Variants in GPR137B observed in about 807,000 individuals in gnomAD.
The protein encoded by GPR137B is integral membrane protein GPR137B.
GPR137B carries 42 observed loss-of-function variants against 42.5 expected under a neutral mutation model. That is an observed-to-expected ratio of 0.99 (90% CI 0.77 to 1.28). The LOEUF (loss-of-function observed/expected upper bound fraction) is 1.28, where lower values mean the gene tolerates loss of function less well. Ranked by LOEUF, GPR137B falls within the 50% of genes most tolerant of loss-of-function variation. The pLI, the probability that GPR137B is intolerant of heterozygous loss-of-function variation, is 0.00. For synonymous variants in GPR137B, 218 were observed against 209.7 expected (o/e 1.04, Z -0.34); for missense variants, 487 against 493.9 (o/e 0.99, Z 0.13).
Position 236,178,434 on chromosome 1 carries a change from C to G in GPR137B, c.485C>G (p.Ser162Cys), listed in dbSNP as rs764184387. 13 of 1,613,592 alleles carry G rather than the reference C, an allele frequency of 8.1e-6. No individual in the cohort carries two copies. Among genetic ancestry groups the G allele is most frequent in the Non-Finnish European group, 1.1e-5 (13 of 1,179,832 alleles). ...LKYRLPLYLA[S>C]LFISLVFLLV... ...TCCAGGTTGCCCCTCTACCTGGCCT[C>G]CCTCTTCATCAGCCTTGTTTTCCTG... Residue 162 changes from serine to cysteine, a missense_variant, in exon 3 of 7, where the codon TCC becomes TGC. Transcript: ENST00000366592.
intron 5 of GPR137B, among the ~76,000 whole-genome samples, chr1:236,187,286 G>T (rs1021976575): frequency 1.3e-5 from 2 of 152,106 alleles, no homozygotes; most frequent in East Asian, 3.9e-4. Flanking sequence ...TAGGTTGCCT[G>T]TTTACTCTGA....
At chr1:236,158,752 G>T (rs1662103964) in intron 1 of GPR137B, among the ~76,000 whole-genome samples, 1 of 152,186 alleles carries the variant, frequency 6.6e-6, no homozygotes, top group African/African-American at 2.4e-5. Context: ...CCCTTTTAAG[G>T]ATAGGGGGAT....
In GPR137B at chr1:236,155,063, G is replaced by A. The variant is rs979381920; in HGVS notation, c.414+12027G>A. Among the ~76,000 whole-genome samples the A allele has an allele frequency of 9.2e-5, 14 of 152,186 alleles. No homozygotes were observed. Among genetic ancestry groups the A allele is most frequent in the Middle Eastern group, 6.4e-3 (2 of 314 alleles). On this transcript the variant is annotated intron_variant, in intron 1 of 6. Coordinates refer to ENST00000366592, the MANE Select transcript of GPR137B (RefSeq NM_003272.4). This position sits in a 1 kb window ranked among gnomAD's most constrained non-coding sequence, Gnocchi z 4.6. ...CCCTTGTCATTCCCAAGGCCAAAGAGAGAGAATCCTGCCAGGGAGGCAGGT... is the reference window on the plus strand; with the variant it reads ...CCCTTGTCATTCCCAAGGCCAAAGAAAGAGAATCCTGCCAGGGAGGCAGGT...
chr1:236,161,090 C>T (rs759625948), intron 1 of GPR137B, among the ~76,000 whole-genome samples: 9 of 152,122 alleles, frequency 5.9e-5, no homozygotes, highest in African/African-American at 1.7e-4. Flanking sequence ...TTCCCCGCCA[C>T]GCCCTCCAGG....
chr1:236,148,008 G>T (rs1467011657), intron 1 of GPR137B, among the ~76,000 whole-genome samples: 2 of 152,208 alleles, frequency 1.3e-5, no homozygotes, highest in African/African-American at 2.4e-5. Flanking sequence ...GTGGCTCCTT[G>T]TGCCAGCTTT....
At chr1:236,143,905 C>CCGTCATCAT (rs1177440210) in intron 1 of GPR137B, among the ~76,000 whole-genome samples, 1 of 152,156 alleles carries the variant, frequency 6.6e-6, no homozygotes, top group Non-Finnish European at 1.5e-5. Flanking sequence ...CGCGGTGCCG[C>CCGTCATCAT]CGTCATCATC....
At chr1:236,179,033 G>A (rs1352911252) in intron 3 of GPR137B, among the ~76,000 whole-genome samples, 8 of 151,714 alleles carry the variant, frequency 5.3e-5, no homozygotes, top group Admixed American at 2.0e-4. Context: ...TCCTGACCTT[G>A]TGATCCACCT....
intron 1 of GPR137B, among the ~76,000 whole-genome samples, chr1:236,160,036 G>T (rs1662143720): frequency 6.6e-6 from 1 of 152,212 alleles, no homozygotes; most frequent in South Asian, 2.1e-4. Context: ...TCTATTCTAG[G>T]TTCTGAGGTT....
Position 236,183,883 on chromosome 1 carries a change from G to A in GPR137B, c.943G>A (p.Val315Ile). 1 of 1,609,838 alleles carries A rather than the reference G, an allele frequency of 6.2e-7. No individual in the cohort carries two copies. ...PTTLVVYFFR[V>I]RNPTKDLTNP... ...CACCTTAGTCGTTTATTTCTTCCGAGTTAGAAATCCTACAAAGGACCTTGT... is the reference window on the plus strand; with the variant it reads ...CACCTTAGTCGTTTATTTCTTCCGAATTAGAAATCCTACAAAGGACCTTGT... Residue 315 changes from valine (V) to isoleucine (I), a missense_variant, in exon 5 of 7, where the codon GTT becomes ATT. Physicochemically the swap from Val to Ile is conservative, Grantham distance 29 (BLOSUM62 3). Transcript: ENST00000366592.
Position 236,171,646 on chromosome 1 carries a change from A to G in GPR137B, c.464+2891A>G, listed in dbSNP as rs986386594. ...GATCCTTGAGCCAAAGTATACCTCA[A>G]AGACAGGCTGCGCTGACATGTATGG... On this transcript the variant is annotated intron_variant, in intron 2 of 6. Coordinates refer to ENST00000366592, the MANE Select transcript of GPR137B (RefSeq NM_003272.4). The surrounding 1 kb of genome is among the most constrained non-coding windows in gnomAD (Gnocchi z 4.4). 6.6e-6 allele frequency among the ~76,000 whole-genome samples: 1 copy of G among 152,236 alleles called. No homozygotes were observed. Among genetic ancestry groups the G allele is most frequent in the Non-Finnish European group, 1.5e-5 (1 of 68,044 alleles).
At chr1:236,164,698 T>C (rs1386453283) in intron 1 of GPR137B, among the ~76,000 whole-genome samples, 1 of 152,228 alleles carries the variant, frequency 6.6e-6, no homozygotes, top group East Asian at 1.9e-4. Context: ...TGTACTGAAA[T>C]TATATGTGCG....
At chr1:236,165,807 G>C (rs976490009) in intron 1 of GPR137B, among the ~76,000 whole-genome samples, 2 of 152,186 alleles carry the variant, frequency 1.3e-5, no homozygotes, top group South Asian at 2.1e-4. Context: ...TTTCCTAGCA[G>C]TTTCTAAATT....
rs1414843702 is a variant in GPR137B at position 236,183,882 on chromosome 1, A to T, written c.942A>T (p.Arg314=). The part of the protein sequence containing the change: ...LPTTLVVYFF[R]VRNPTKDLTN... Reference sequence around the variant, plus strand: ...CCACCTTAGTCGTTTATTTCTTCCGAGTTAGAAATCCTACAAAGGACCTTG... The same window carrying T: ...CCACCTTAGTCGTTTATTTCTTCCGTGTTAGAAATCCTACAAAGGACCTTG... Residue 314 remains arginine (R), a synonymous_variant, in exon 5 of 7, where the codon CGA becomes CGT. Transcript: ENST00000366592. 1.2e-6 allele frequency: 2 copies of T among 1,608,800 alleles called. No homozygotes were observed. The highest frequency in any genetic ancestry group is 2.7e-5 in the African/African-American group (2 of 74,780).
At chr1:236,157,340 C>T (rs1662061330) in intron 1 of GPR137B, among the ~76,000 whole-genome samples, 1 of 152,122 alleles carries the variant, frequency 6.6e-6, no homozygotes, top group Non-Finnish European at 1.5e-5. Flanking sequence ...TCTCCTGCCT[C>T]AGTCTCCCCA....
Position 236,205,150 on chromosome 1 carries a change from C to CAT in GPR137B, c.992_993dup (p.Gly332MetfsTer73), listed in dbSNP as rs989969087. ...GACCAACCCTGGAATGGTCCCCAGC[C>CAT]ATGGATTCAGTCCCAGATCTTATTT... On this transcript the variant is annotated frameshift_variant, in exon 6 of 7. Coordinates refer to ENST00000366592, the MANE Select transcript of GPR137B (RefSeq NM_003272.4). LOFTEE classifies it high-confidence loss of function. 12 of 1,613,014 alleles carry CAT rather than the reference C, an allele frequency of 7.4e-6. No homozygotes were observed. The highest frequency in any genetic ancestry group is 1.1e-5 in the South Asian group (1 of 91,032).
At chr1:236,203,100 CAG>C (rs770324813) in intron 5 of GPR137B, among the ~76,000 whole-genome samples, 5 of 151,944 alleles carry the variant, frequency 3.3e-5, no homozygotes, top group South Asian at 2.1e-4. Context: ...TGTTTTGAGA[CAG>C]AGTCTTGCTC....
intron 1 of GPR137B, 29 bp downstream of exon 1, chr1:236,143,065 C>G (rs929562553): frequency 6.4e-7 from 1 of 1,573,254 alleles, no homozygotes; most frequent in African/African-American, 1.4e-5. Flanking sequence ...CCTGGAGGCG[C>G]TCACCTGGCG....
rs576171971 is a variant in GPR137B at position 236,200,950 on chromosome 1, G to A, written c.967-4176G>A. On this transcript the variant is annotated intron_variant, in intron 5 of 6. Transcript: ENST00000366592. ...CCTGGTGAGATTTATGCTTTAAGGAGGTTCTATTCTGGTGTATTTTGAGGT... is the reference window on the plus strand; with the variant it reads ...CCTGGTGAGATTTATGCTTTAAGGAAGTTCTATTCTGGTGTATTTTGAGGT... Among the ~76,000 whole-genome samples, 91 of 151,770 alleles carry A rather than the reference G, an allele frequency of 6.0e-4. 2 individuals are homozygous for A. The highest frequency in any genetic ancestry group is 2.1e-3 in the African/African-American group (86 of 41,220).
chr1:236,189,428 C>A (rs915712223), intron 5 of GPR137B, among the ~76,000 whole-genome samples: 2 of 152,156 alleles, frequency 1.3e-5, no homozygotes, highest in African/African-American at 4.8e-5. Context: ...AATTTTAGAT[C>A]TTTCCTGCTT....
Sources: allele counts gnomAD v4.1 joint callset (sites outside exome capture counted in the v4.1 genomes callset), GRCh38; gene constraint gnomAD v4.1.1; non-coding constraint Gnocchi (gnomAD v3.1); transcripts MANE v1.5; gene names NCBI Gene and HGNC (gene_info 2026-07-23, HGNC 2026-07-21).